MYCBP: variants seen among roughly 807,000 people sequenced by gnomAD.
The protein encoded by MYCBP is C-Myc-binding protein.
In MYCBP, 5 loss-of-function variants were observed where a neutral mutation model predicts 16.8. The ratio of observed to expected loss-of-function variants is 0.30; its 90% CI spans 0.16 to 0.63. The LOEUF is 0.63. Among genes scored for constraint, MYCBP ranks in the 20% least tolerant of loss-of-function variants. The pLI, the probability that MYCBP is intolerant of heterozygous loss-of-function variation, is 0.83. For synonymous variants in MYCBP, 35 were observed against 43.7 expected (o/e 0.80, Z 0.79); for missense variants, 103 against 121.8 (o/e 0.85, Z 0.73).
At chr1:38,870,819 A>AAC in intron 2 of MYCBP, among the ~76,000 whole-genome samples, 1 of 151,186 alleles carries the variant, frequency 6.6e-6, no homozygotes, top group African/African-American at 2.4e-5. Flanking sequence ...AAAAAAAAAA[A>AAC]AAAAAAAAAC....
chr1:38,869,146 T>C (rs546363576), intron 2 of MYCBP, among the ~76,000 whole-genome samples: 7 of 150,926 alleles, frequency 4.6e-5, no homozygotes, highest in African/African-American at 1.7e-4. Context: ...TGGAGTGCAA[T>C]GGCATAATCT....
chr1:38,866,962 A>G lies in MYCBP; in HGVS notation c.185T>C (p.Ile62Thr), dbSNP rs1219451059. ...GGCCAGTTCTAGGCGAAGCAGCTCT[A>G]TTTCTGGATTTTCTGGAGTAGCAGC... ...LGAATPENPEIELLRLELAEM... is the reference protein window; with the variant it reads ...LGAATPENPETELLRLELAEM... Residue 62 changes from isoleucine to threonine, a missense_variant, in exon 4 of 5, where the codon ATA (isoleucine) becomes ACA (threonine). By Grantham distance (89) the Ile-to-Thr change is moderately conservative. Coordinates refer to ENST00000397572, the MANE Select transcript of MYCBP (RefSeq NM_012333.5). The G allele has an allele frequency of 1.2e-6, 2 of 1,610,668 alleles. No homozygotes were observed. Among genetic ancestry groups the G allele is most frequent in the South Asian group, 2.2e-5 (2 of 90,476 alleles).
intron 4 of MYCBP, among the ~76,000 whole-genome samples, chr1:38,866,079 A>ATTTTTTTTTTTTTTT (rs1362957686): frequency 3.7e-5 from 3 of 81,290 alleles, no homozygotes; most frequent in African/African-American, 1.8e-4. Flanking sequence ...ACAGAGTTTC[A>ATTTTTTTTTTTTTTT]TTCTTGTTGC....
intron 2 of MYCBP, among the ~76,000 whole-genome samples, chr1:38,868,447 G>A (rs1243555900): frequency 6.6e-6 from 1 of 152,140 alleles, no homozygotes; most frequent in Non-Finnish European, 1.5e-5. Flanking sequence ...TACTTGAGTG[G>A]TTTCATATCT....
At chr1:38,868,424 TTAAAA>T (rs1455497509) in intron 2 of MYCBP, among the ~76,000 whole-genome samples, 1 of 152,146 alleles carries the variant, frequency 6.6e-6, no homozygotes, top group African/African-American at 2.4e-5. Flanking sequence ...CAAATCAACA[TTAAAA>T]TAAGATATAC....
chr1:38,864,925 T>C (rs1642305922), intron 4 of MYCBP, among the ~76,000 whole-genome samples: 1 of 152,220 alleles, frequency 6.6e-6, no homozygotes. Context: ...ACCTTTAAAA[T>C]TGCTTTGAAA....
At position 38,872,959 on chromosome 1, in the gene MYCBP, G is replaced by C. The variant is rs1570891964; in HGVS notation, c.88+59C>G. 2.6e-6 allele frequency: 4 copies of C among 1,531,976 alleles called. No homozygotes were observed. The Admixed American group carries it at 6.0e-5, about 23-fold the overall frequency. The allele number at this position is 1,531,976 out of a possible 1,614,324, so 94.9% of individuals were successfully genotyped here. On this transcript the variant is annotated intron_variant, in intron 2 of 4. Transcript: ENST00000397572. ...CCCACGCTACGGCCCGCTGGGGAAC[G>C]GGGCAGCGCCGGGGAGCACGACGAG...
chr1:38,866,645 GACCTCGTGATCTACCC>G (rs1642345903), intron 4 of MYCBP, among the ~76,000 whole-genome samples: 2 of 150,660 alleles, frequency 1.3e-5, no homozygotes, highest in South Asian at 4.2e-4. Flanking sequence ...TCGAACTCTT[GACCTCGTGATCTACCC>G]ACCTCGGCCT....
rs1347714727 is a variant in MYCBP at position 38,864,037 on chromosome 1, T to C, written c.*633A>G. On this transcript the variant is annotated 3_prime_UTR_variant, in exon 5 of 5. Transcript: ENST00000397572. ...CAGCACAGAAAGGCCAGTGTGCAAC[T>C]AGGACCCACTAAAGCTCAGAGGAAA... is the stretch of plus-strand genomic sequence containing the variant. 6.5e-6 allele frequency: 1 copy of C among 153,058 alleles called. No homozygotes were observed. Among genetic ancestry groups the C allele is most frequent in the African/African-American group, 2.4e-5 (1 of 41,428 alleles). 9.5% of individuals were successfully genotyped at this position (153,058 alleles called of 1,614,324 possible).
chr1:38,872,958 C>T lies in MYCBP; in HGVS notation c.88+60G>A, dbSNP rs1642498398. On this transcript the variant is annotated intron_variant, in intron 2 of 4. Transcript: ENST00000397572. ...CCCCACGCTACGGCCCGCTGGGGAACGGGGCAGCGCCGGGGAGCACGACGA... is the reference window on the plus strand; with the variant it reads ...CCCCACGCTACGGCCCGCTGGGGAATGGGGCAGCGCCGGGGAGCACGACGA... 4 of 1,529,404 alleles carry T rather than the reference C, an allele frequency of 2.6e-6. No individual in the cohort carries two copies. In the Admixed American group the frequency reaches 6.0e-5, roughly 23 times the overall value. The allele number at this position is 1,529,404 out of a possible 1,614,324, so 94.7% of individuals were successfully genotyped here.
chr1:38,867,745 A>G, intron 2 of MYCBP, 135 bp from the exon 3 acceptor site: 1 of 732,800 alleles, frequency 1.4e-6, no homozygotes, highest in Non-Finnish European at 2.4e-6. Flanking sequence ...AATGCTGAAC[A>G]AGACAGACAA....
At chr1:38,871,876 A>G (rs1199069287) in intron 2 of MYCBP, among the ~76,000 whole-genome samples, 1 of 152,316 alleles carries the variant, frequency 6.6e-6, no homozygotes, top group East Asian at 1.9e-4. Flanking sequence ...TGTGCAGAAC[A>G]GACACCTGAG....
Position 38,867,569 on chromosome 1 carries a change from C to G in MYCBP, c.130G>C (p.Ala44Pro), listed in dbSNP as rs557266616. The G allele has an allele frequency of 6.1e-5, 98 of 1,613,338 alleles. 1 individual carries two copies. In the South Asian group the frequency reaches 1.0e-3, roughly 17 times the overall value. The change falls in exon 3 of 5, where the codon GCT becomes CCT. Residue 44 changes from alanine (A) to proline (P), a missense_variant. By Grantham distance (27) the Ala-to-Pro change is conservative. Coordinates refer to ENST00000397572, the MANE Select transcript of MYCBP (RefSeq NM_012333.5). ...TCTGACTTGAAAGGATACTCCAAAG[C>G]ACTGTTAGGTTTCTCTGGTTCTTCA... Reference protein sequence around the residue: ...LYEEPEKPNSALDFLKHHLGA... With the variant: ...LYEEPEKPNSPLDFLKHHLGA...
chr1:38,867,072 T>C, intron 3 of MYCBP, 63 bp from the exon 4 acceptor site: 1 of 1,450,410 alleles, frequency 6.9e-7, no homozygotes, highest in Non-Finnish European at 9.5e-7. Flanking sequence ...TAGCACAGAG[T>C]AGTATCAATA....
intron 3 of MYCBP, 116 bp downstream of exon 3, chr1:38,867,446 C>CA (rs11338710): frequency 0.094 from 58,241 of 620,190 alleles, 3 homozygotes; most frequent in Non-Finnish European, 0.1. Flanking sequence ...GACTCCGTCT[C>CA]AAAAAAAAAA....
intron 2 of MYCBP, chr1:38,872,732 CAT>C: frequency 2.1e-6 from 1 of 481,340 alleles, no homozygotes. Flanking sequence ...CCTTGGCAAA[CAT>C]GTCCACTGCG....
chr1:38,872,418 TAA>T (rs1004374664), intron 2 of MYCBP, among the ~76,000 whole-genome samples: 3 of 152,246 alleles, frequency 2.0e-5, no homozygotes, highest in African/African-American at 7.2e-5. Context: ...GCTTTCATTT[TAA>T]AAAGTGAAAA....
rs1478813802 is a variant in MYCBP at position 38,873,103 on chromosome 1, C to T, written c.16-13G>A. 1 of 1,557,116 alleles carries T rather than the reference C, an allele frequency of 6.4e-7. No homozygotes were observed. Among genetic ancestry groups the T allele is most frequent in the Non-Finnish European group, 8.7e-7 (1 of 1,150,450 alleles). ...TCGAGTCGGCGGCCTGAAGAGACAC[C>T]GGGGGTCAGTGGCCAGAGCCCGGGA... On this transcript the variant is annotated splice_polypyrimidine_tract_variant and intron_variant, in intron 1 of 4. Coordinates refer to ENST00000397572, the MANE Select transcript of MYCBP (RefSeq NM_012333.5).
At chr1:38,870,356 T>C (rs1200086286) in intron 2 of MYCBP, among the ~76,000 whole-genome samples, 1 of 151,128 alleles carries the variant, frequency 6.6e-6, no homozygotes, top group East Asian at 2.0e-4. Flanking sequence ...AAAATATATA[T>C]ATGTAAATTA....
Sources: allele counts gnomAD v4.1 joint callset (sites outside exome capture counted in the v4.1 genomes callset), GRCh38; gene constraint gnomAD v4.1.1; transcripts MANE v1.5; gene names NCBI Gene and HGNC (gene_info 2026-07-23, HGNC 2026-07-21).